The following EPHA6 variants were observed in gnomAD, a reference collection of about 807,000 sequenced individuals.
EPHA6 encodes EPH receptor A6.
A neutral mutation model predicts 112.0 loss-of-function variants in EPHA6; 50 were observed. That is an observed-to-expected ratio of 0.45 (90% CI 0.36 to 0.56). The LOEUF is 0.56. Ranked by LOEUF, EPHA6 falls within the 20% of genes least tolerant of loss-of-function variation. The pLI is 0.00. For missense variants in EPHA6, 1,280 were observed against 1,417.4 expected (o/e 0.90, Z 1.56); for synonymous variants, 529 against 490.7 (o/e 1.08, Z -1.03).
chr3:97,140,634 G>C (rs1441434986), intron 3 of EPHA6, among the ~76,000 whole-genome samples: 1 of 152,102 alleles, frequency 6.6e-6, no homozygotes, highest in Non-Finnish European at 1.5e-5. Context: ...CAAATGCTAA[G>C]GGAATTTGTC....
At chr3:97,312,482 A>G (rs901000043) in intron 5 of EPHA6, among the ~76,000 whole-genome samples, 2 of 151,632 alleles carry the variant, frequency 1.3e-5, no homozygotes, top group Admixed American at 1.3e-4. Flanking sequence ...GCACTGGAAC[A>G]TTTTGGATTT....
At chr3:96,854,334 C>T (rs2035569567) in intron 1 of EPHA6, among the ~76,000 whole-genome samples, 1 of 151,756 alleles carries the variant, frequency 6.6e-6, no homozygotes, top group Admixed American at 6.6e-5. Context: ...TGCACGCCAC[C>T]ACACCCAGCT....
intron 3 of EPHA6, among the ~76,000 whole-genome samples, chr3:97,137,363 G>T (rs2075792178): frequency 6.6e-6 from 1 of 152,086 alleles, no homozygotes. Context: ...CTTGCCAGGA[G>T]TATATGCTAG....
intron 3 of EPHA6, among the ~76,000 whole-genome samples, chr3:97,159,811 G>A (rs2076371603): frequency 6.6e-6 from 1 of 152,164 alleles, no homozygotes; most frequent in South Asian, 2.1e-4. Context: ...GATGGTGGAT[G>A]AGGCATTCTG....
chr3:97,067,072 G>A (rs1188284774), intron 3 of EPHA6, among the ~76,000 whole-genome samples: 1 of 151,948 alleles, frequency 6.6e-6, no homozygotes, highest in Non-Finnish European at 1.5e-5. Flanking sequence ...CTTCTTCTTA[G>A]TATACCTTTT....
chr3:97,321,437 A>T (rs536699617), intron 5 of EPHA6, among the ~76,000 whole-genome samples: 1 of 151,994 alleles, frequency 6.6e-6, no homozygotes, highest in Non-Finnish European at 1.5e-5. Flanking sequence ...ATATATTCAA[A>T]TCAATTACTG....
At chr3:96,960,043 A>T (rs1372684441) in intron 2 of EPHA6, among the ~76,000 whole-genome samples, 3 of 152,026 alleles carry the variant, frequency 2.0e-5, no homozygotes, top group Non-Finnish European at 4.4e-5. Context: ...CCATAAACAC[A>T]CCCTGAGAAA....
intron 3 of EPHA6, among the ~76,000 whole-genome samples, chr3:97,184,743 G>A (rs1430252702): frequency 1.3e-5 from 2 of 152,130 alleles, no homozygotes. Context: ...CCAAAAAAGA[G>A]TCCACATTGC....
intron 2 of EPHA6, among the ~76,000 whole-genome samples, chr3:96,894,649 A>C (rs1380120870): frequency 3.3e-5 from 5 of 152,180 alleles, no homozygotes; most frequent in African/African-American, 1.2e-4. Context: ...TGATTTCAGA[A>C]GACATACCGA....
chr3:97,117,705 T>C (rs1344763157), intron 3 of EPHA6, among the ~76,000 whole-genome samples: 1 of 151,806 alleles, frequency 6.6e-6, no homozygotes, highest in African/African-American at 2.4e-5. Flanking sequence ...TACCATGCTG[T>C]TTTGATTACT....
chr3:96,948,013 G>A (rs1049869530), intron 2 of EPHA6, among the ~76,000 whole-genome samples: 6 of 152,042 alleles, frequency 3.9e-5, no homozygotes, highest in Admixed American at 1.3e-4. Flanking sequence ...ACAGGGCTAC[G>A]ATAGCTCATT....
intron 11 of EPHA6, chr3:97,559,527 T>C: frequency 2.4e-6 from 1 of 414,074 alleles, no homozygotes; most frequent in Non-Finnish European, 4.8e-6. Flanking sequence ...TCAGAGTGAC[T>C]GAGTGGAGGA....
At chr3:97,283,491 GA>G in intron 5 of EPHA6, among the ~76,000 whole-genome samples, 1 of 152,100 alleles carries the variant, frequency 6.6e-6, no homozygotes, top group Middle Eastern at 3.4e-3. Flanking sequence ...TAGATATGGT[GA>G]TTATAATATT....
intron 3 of EPHA6, among the ~76,000 whole-genome samples, chr3:97,083,385 C>T (rs1287808940): frequency 6.6e-6 from 1 of 151,900 alleles, no homozygotes; most frequent in Non-Finnish European, 1.5e-5. Flanking sequence ...AGATTATTGA[C>T]CATTCGTTAG....
chr3:96,819,639 A>T (rs991336333), intron 1 of EPHA6, among the ~76,000 whole-genome samples: 1 of 152,146 alleles, frequency 6.6e-6, no homozygotes, highest in Admixed American at 6.6e-5. Flanking sequence ...TTAGGTGATC[A>T]AAATAGTTTG....
intron 5 of EPHA6, among the ~76,000 whole-genome samples, chr3:97,326,712 A>G (rs1028549410): frequency 6.6e-6 from 1 of 152,120 alleles, no homozygotes. Flanking sequence ...ATCATGAAAC[A>G]GTAAAAACCT....
intron 4 of EPHA6, among the ~76,000 whole-genome samples, chr3:97,233,660 T>G (rs769196462): frequency 2.0e-5 from 3 of 152,208 alleles, no homozygotes; most frequent in African/African-American, 4.8e-5. Context: ...CATCAGTCAT[T>G]CCCATTACTA....
chr3:96,981,816 T>C (rs1373923859), intron 2 of EPHA6, among the ~76,000 whole-genome samples: 1 of 152,320 alleles, frequency 6.6e-6, no homozygotes, highest in East Asian at 1.9e-4. Flanking sequence ...TATCCATTTC[T>C]TCTAGATTTT....
intron 3 of EPHA6, among the ~76,000 whole-genome samples, chr3:97,145,537 T>TA (rs543752436): frequency 0.01 from 1,511 of 145,664 alleles, 25 homozygotes; most frequent in African/African-American, 0.029. Flanking sequence ...TGACAACAGT[T>TA]AAAAAAAAAA....
Sources: gnomAD v4.1 joint callset for allele counts (sites outside exome capture counted in the v4.1 genomes callset) on GRCh38, gnomAD v4.1.1 for gene constraint, MANE v1.5 for transcripts, NCBI Gene and HGNC (gene_info 2026-07-23, HGNC 2026-07-21) for gene names.